The following CALD1 variants were observed in gnomAD, a reference collection of about 807,000 sequenced individuals.
The protein encoded by CALD1 is caldesmon 1, also known as caldesmon.
Under a neutral mutation model 99.9 loss-of-function variants are expected in CALD1, and 33 were observed. That is an observed-to-expected ratio of 0.33 (90% CI 0.25 to 0.44). The LOEUF is 0.44. Among genes scored for constraint, CALD1 ranks in the 20% least tolerant of loss-of-function variants. The pLI, the probability that CALD1 is intolerant of heterozygous loss-of-function variation, is 1.00. For synonymous variants in CALD1, 310 were observed against 325.0 expected (o/e 0.95, Z 0.50); for missense variants, 861 against 962.1 (o/e 0.89, Z 1.39).
At chr7:134,759,630 C>T (rs965688530) in intron 1 of CALD1, among the ~76,000 whole-genome samples, 1 of 152,056 alleles carries the variant, frequency 6.6e-6, no homozygotes, top group African/African-American at 2.4e-5. Context: ...TCCAAGATGC[C>T]CCTGGACAGA....
chr7:134,772,923 G>A (rs1326789279), intron 1 of CALD1, among the ~76,000 whole-genome samples: 1 of 152,112 alleles, frequency 6.6e-6, no homozygotes, highest in African/African-American at 2.4e-5. Context: ...CCTCTATCCT[G>A]GGTTTGCATT....
intron 3 of CALD1, among the ~76,000 whole-genome samples, chr7:134,889,195 C>T (rs1284971332): frequency 6.6e-6 from 1 of 152,226 alleles, no homozygotes; most frequent in African/African-American, 2.4e-5. Flanking sequence ...ACAGGTCTCA[C>T]TGGGCTAACA....
rs537979679 is a variant in CALD1 at position 134,952,067 on chromosome 7, G to A, written c.1935+1553G>A. 3.5e-4 allele frequency among the ~76,000 whole-genome samples: 54 copies of A among 152,248 alleles called. 1 individual carries two copies. In the South Asian group the frequency reaches 9.7e-3, roughly 27 times the overall value. ...TGTGATCCCAGCATTTTGGGAGGCC[G>A]AGGTGGATGGATCACCTGAGGTCAG... On this transcript the variant is annotated intron_variant, in intron 9 of 14. Coordinates refer to ENST00000361675, the MANE Select transcript of CALD1 (RefSeq NM_033138.4).
At chr7:134,857,288 C>A (rs1019914794) in intron 2 of CALD1, among the ~76,000 whole-genome samples, 1 of 151,306 alleles carries the variant, frequency 6.6e-6, no homozygotes, top group Non-Finnish European at 1.5e-5. Flanking sequence ...CCTGCCTCAG[C>A]CTCTCCGAGT....
chr7:134,743,811 A>G (rs1295791339), upstream of CALD1, among the ~76,000 whole-genome samples: 1 of 152,234 alleles, frequency 6.6e-6, no homozygotes, highest in Non-Finnish European at 1.5e-5. Flanking sequence ...TCTCACAAAT[A>G]TAAGACTTAA....
intron 2 of CALD1, among the ~76,000 whole-genome samples, chr7:134,864,475 T>C (rs944884982): frequency 6.6e-6 from 1 of 151,398 alleles, no homozygotes; most frequent in African/African-American, 2.4e-5. Context: ...CTCAGCTCAC[T>C]GCAACCTCCA....
At chr7:134,884,867 C>G (rs1166885602) in intron 3 of CALD1, among the ~76,000 whole-genome samples, 1 of 152,164 alleles carries the variant, frequency 6.6e-6, no homozygotes, top group Non-Finnish European at 1.5e-5. Flanking sequence ...TTGGTAAAAA[C>G]AAGTATATAC....
Position 134,933,065 on chromosome 7 carries a change from G to A in CALD1, c.296G>A (p.Arg99His), listed in dbSNP as rs143639360. 4.0e-5 allele frequency: 64 copies of A among 1,613,886 alleles called. No individual in the cohort carries two copies. In the African/African-American group the frequency reaches 4.7e-4, roughly 12 times the overall value. ...GATGATGAGGCCGCATTCCTGGAGC[G>A]CCTGGCTCGGCGTGAGGAAAGACGC... ...EGDDEAAFLE[R>H]LARREERRQK... The change falls in exon 5 of 15, where the codon CGC becomes CAC. Residue 99 changes from arginine to histidine, a missense_variant. This residue lies in a region of CALD1 where 123 missense variants were observed against 169.8 expected (regional missense o/e 0.72). Transcript: ENST00000361675.
chr7:134,861,330 G>A (rs777088233), intron 2 of CALD1, among the ~76,000 whole-genome samples: 1 of 152,216 alleles, frequency 6.6e-6, no homozygotes, highest in Non-Finnish European at 1.5e-5. Flanking sequence ...GATCATTGCA[G>A]ATCAGAGGTA....
chr7:134,963,299 A>G (rs1195591915), intron 13 of CALD1, among the ~76,000 whole-genome samples: 1 of 152,228 alleles, frequency 6.6e-6, no homozygotes, highest in Non-Finnish European at 1.5e-5. Flanking sequence ...TAATGGCTCC[A>G]AGTTAAATAG....
intron 1 of CALD1, among the ~76,000 whole-genome samples, chr7:134,753,930 T>C (rs775700095): frequency 6.6e-6 from 1 of 152,236 alleles, no homozygotes; most frequent in Non-Finnish European, 1.5e-5. Context: ...CCTAGCTGCA[T>C]TGACTTGAAG....
chr7:134,733,956 C>T, the CALD1 span, among the ~76,000 whole-genome samples: 2 of 150,736 alleles, frequency 1.3e-5, no homozygotes, highest in Non-Finnish European at 3.0e-5. Flanking sequence ...TATAAATTTG[C>T]TATATTATAG....
intron 1 of CALD1, among the ~76,000 whole-genome samples, chr7:134,788,488 C>T (rs1443289553): frequency 6.6e-6 from 1 of 152,178 alleles, no homozygotes; most frequent in Non-Finnish European, 1.5e-5. Flanking sequence ...AAATTAGCCT[C>T]TGCATTGGAG....
chr7:134,730,025 TCA>T, the CALD1 span, among the ~76,000 whole-genome samples: 1 of 151,966 alleles, frequency 6.6e-6, no homozygotes, highest in African/African-American at 2.4e-5. Context: ...ACAGACACAG[TCA>T]CAGATGAGAG....
chr7:134,755,799 G>A (rs145788717), intron 1 of CALD1, among the ~76,000 whole-genome samples: 126 of 152,154 alleles, frequency 8.3e-4, no homozygotes, highest in African/African-American at 2.9e-3. Context: ...TGTGTTGTTT[G>A]CCTTCTGAGT....
chr7:134,860,223 G>A lies in CALD1; in HGVS notation c.-41-7470G>A, dbSNP rs148845967. 2.6e-3 allele frequency among the ~76,000 whole-genome samples: 401 copies of A among 152,262 alleles called. 6 individuals are homozygous for A. The highest frequency in any genetic ancestry group is 9.3e-3 in the African/African-American group (386 of 41,552). On this transcript the variant is annotated intron_variant, in intron 2 of 14. Coordinates refer to ENST00000361675, the MANE Select transcript of CALD1 (RefSeq NM_033138.4). ...TTTTTGGAACAAGATGGTGAAGGTT[G>A]AGCTAAAGTTAAGTGCAAACTGTAC...
chr7:134,891,495 A>G, intron 3 of CALD1: 1 of 1,474,572 alleles, frequency 6.8e-7, no homozygotes, highest in Non-Finnish European at 9.0e-7. Context: ...ACACGGGAGC[A>G]TCCTGCACCG....
intron 2 of CALD1, among the ~76,000 whole-genome samples, chr7:134,864,119 G>T (rs1405174517): frequency 6.6e-6 from 1 of 152,090 alleles, no homozygotes; most frequent in Non-Finnish European, 1.5e-5. Context: ...GGGAGGCCGA[G>T]GGGAGGATCA....
chr7:134,954,670 C>T (rs978789727), intron 9 of CALD1, among the ~76,000 whole-genome samples: 1 of 152,128 alleles, frequency 6.6e-6, no homozygotes, highest in African/African-American at 2.4e-5. Flanking sequence ...AAGATGATCC[C>T]TGAGTCATAA....
Sources: allele counts gnomAD v4.1 joint callset (sites outside exome capture counted in the v4.1 genomes callset), GRCh38; gene constraint gnomAD v4.1.1; regional missense constraint gnomAD v4.1.1; transcripts MANE v1.5; gene names NCBI Gene and HGNC (gene_info 2026-07-23, HGNC 2026-07-21).